The following CIMIP6 variants were observed in gnomAD, a reference collection of about 807,000 sequenced individuals.
CIMIP6 encodes the protein ciliary microtubule inner protein 6, also known as uncharacterized protein C2orf73.
the CIMIP6 span, among the ~76,000 whole-genome samples, chr2:54,332,007 G>A: frequency 6.6e-6 from 1 of 152,122 alleles, no homozygotes; most frequent in African/African-American, 2.4e-5. Flanking sequence ...AAGGAAATGG[G>A]CCCCATAAAT....
At chr2:54,334,281 G>C in the CIMIP6 span, among the ~76,000 whole-genome samples, 1 of 152,152 alleles carries the variant, frequency 6.6e-6, no homozygotes, top group African/African-American at 2.4e-5. Context: ...AAAAAATGAA[G>C]AGATTTATTT....
chr2:54,358,987 A>C, the CIMIP6 span: 1 of 1,550,248 alleles, frequency 6.5e-7, no homozygotes, highest in Non-Finnish European at 8.7e-7. Context: ...GTACATCAGC[A>C]GAACTTCAAA....
At chr2:54,334,855 G>C in the CIMIP6 span, 14 of 1,551,064 alleles carry the variant, frequency 9.0e-6, no homozygotes, top group Non-Finnish European at 1.7e-6. Flanking sequence ...ACATATGTAA[G>C]TGAAAATGAA....
chr2:54,374,178 T>C, the CIMIP6 span, among the ~76,000 whole-genome samples: 3 of 152,320 alleles, frequency 2.0e-5, no homozygotes, highest in South Asian at 2.1e-4. Context: ...CTCCATACTC[T>C]CCATAGTAAC....
chr2:54,359,421 A>G, the CIMIP6 span, among the ~76,000 whole-genome samples: 1 of 152,090 alleles, frequency 6.6e-6, no homozygotes, highest in Non-Finnish European at 1.5e-5. Flanking sequence ...AATTTGAATC[A>G]GTCTTTGGAA....
chr2:54,362,889 G>A, the CIMIP6 span, among the ~76,000 whole-genome samples: 1 of 152,176 alleles, frequency 6.6e-6, no homozygotes, highest in African/African-American at 2.4e-5. Flanking sequence ...AGTAATGCAA[G>A]AATTCCGTGA....
the CIMIP6 span, among the ~76,000 whole-genome samples, chr2:54,379,075 C>A: frequency 6.6e-6 from 1 of 152,166 alleles, no homozygotes; most frequent in African/African-American, 2.4e-5. Flanking sequence ...ATGAACGAAG[C>A]AATAAATGAA....
At chr2:54,360,865 G>C in the CIMIP6 span, 17 of 202,188 alleles carry the variant, frequency 8.4e-5, no homozygotes, top group Middle Eastern at 5.7e-3. Context: ...TGTTAGACAT[G>C]AGTGGACAGC....
At chr2:54,347,252 A>T in the CIMIP6 span, among the ~76,000 whole-genome samples, 1 of 152,242 alleles carries the variant, frequency 6.6e-6, no homozygotes, top group Non-Finnish European at 1.5e-5. Context: ...CTGAATTTTT[A>T]AAATCTTGAA....
the CIMIP6 span, chr2:54,343,964 A>G: frequency 8.7e-7 from 1 of 1,145,622 alleles, no homozygotes; most frequent in South Asian, 2.3e-5. Context: ...CAGCTCCTGA[A>G]AATAATTACT....
chr2:54,337,499 G>T, the CIMIP6 span, among the ~76,000 whole-genome samples: 2 of 152,160 alleles, frequency 1.3e-5, no homozygotes, highest in African/African-American at 4.8e-5. Context: ...TCTTACAAAG[G>T]CTCATGAATG....
the CIMIP6 span, chr2:54,360,726 TTAA>T: frequency 4.3e-6 from 3 of 705,350 alleles, no homozygotes; most frequent in Non-Finnish European, 6.5e-6. Context: ...CCAAATGTTA[TTAA>T]TAAGAGTGGT....
At chr2:54,333,601 G>A in the CIMIP6 span, among the ~76,000 whole-genome samples, 7 of 152,178 alleles carry the variant, frequency 4.6e-5, no homozygotes, top group African/African-American at 1.7e-4. Flanking sequence ...ACTGCAAAAT[G>A]ATGTGGGCGA....
At chr2:54,376,360 A>G in the CIMIP6 span, among the ~76,000 whole-genome samples, 2 of 152,202 alleles carry the variant, frequency 1.3e-5, no homozygotes, top group African/African-American at 4.8e-5. Context: ...AATAAAATCC[A>G]AAGACATCCT....
the CIMIP6 span, among the ~76,000 whole-genome samples, chr2:54,369,632 T>A: frequency 6.6e-6 from 1 of 152,190 alleles, no homozygotes; most frequent in South Asian, 2.1e-4. Flanking sequence ...ACCAGGCCAA[T>A]TCGTTGGTTA....
chr2:54,351,203 T>C, the CIMIP6 span, among the ~76,000 whole-genome samples: 1 of 152,252 alleles, frequency 6.6e-6, no homozygotes, highest in Non-Finnish European at 1.5e-5. Context: ...TAAATTCTGT[T>C]AGCATTTTAA....
the CIMIP6 span, chr2:54,360,322 A>G: frequency 6.2e-7 from 1 of 1,611,648 alleles, no homozygotes; most frequent in Non-Finnish European, 8.5e-7. Context: ...CCAAAAAAAC[A>G]GAGAAAGGAA....
At chr2:54,365,211 T>G in the CIMIP6 span, among the ~76,000 whole-genome samples, 1 of 152,088 alleles carries the variant, frequency 6.6e-6, no homozygotes, top group Non-Finnish European at 1.5e-5. Context: ...AACTGAGCTA[T>G]GCACAGGAGT....
the CIMIP6 span, among the ~76,000 whole-genome samples, chr2:54,369,547 T>G: frequency 6.6e-6 from 1 of 152,194 alleles, no homozygotes; most frequent in Non-Finnish European, 1.5e-5. Context: ...AGCAACCAGA[T>G]AGATGTACAG....
Sources: gnomAD v4.1 joint callset for allele counts (sites outside exome capture counted in the v4.1 genomes callset) on GRCh38, gnomAD v4.1.1 for gene constraint, MANE v1.5 for transcripts, NCBI Gene and HGNC (gene_info 2026-07-23, HGNC 2026-07-21) for gene names.